Variants in EPHA6 observed in about 807,000 individuals in gnomAD.
EPHA6 encodes ephrin type-A receptor 6.
EPHA6 carries 50 observed loss-of-function variants against 112.0 expected under a neutral mutation model. The observed-to-expected ratio is 0.45, with a 90% confidence interval of 0.36 to 0.56. The LOEUF (loss-of-function observed/expected upper bound fraction) is 0.56, where lower values mean the gene tolerates loss of function less well. EPHA6 is among the 20% of genes least tolerant of loss of function. The pLI, the probability that EPHA6 is intolerant of heterozygous loss-of-function variation, is 0.00. For synonymous variants in EPHA6, 529 were observed against 490.7 expected, an observed-to-expected ratio of 1.08 and a Z score of -1.03; for missense variants, 1,280 against 1,417.4, an observed-to-expected ratio of 0.90 and a Z score of 1.56.
intron 11 of EPHA6, among the ~76,000 whole-genome samples, chr3:97,548,522 G>T (rs2092988523): frequency 6.6e-6 from 1 of 151,948 alleles, no homozygotes; most frequent in Non-Finnish European, 1.5e-5. Context: ...ATTTTCTTTT[G>T]TATTTGAATG....
intron 3 of EPHA6, among the ~76,000 whole-genome samples, chr3:97,136,058 T>C (rs997414353): frequency 3.9e-5 from 6 of 152,186 alleles, no homozygotes; most frequent in African/African-American, 1.4e-4. Flanking sequence ...CAAAGGAGGT[T>C]AAAGTGATCT....
chr3:96,971,792 T>C (rs1407426726), intron 2 of EPHA6, among the ~76,000 whole-genome samples: 1 of 152,148 alleles, frequency 6.6e-6, no homozygotes, highest in African/African-American at 2.4e-5. Flanking sequence ...AAATCACATA[T>C]GGGCCATTTT....
intron 6 of EPHA6, among the ~76,000 whole-genome samples, chr3:97,438,530 T>C (rs946908153): frequency 6.6e-6 from 1 of 152,186 alleles, no homozygotes; most frequent in Non-Finnish European, 1.5e-5. Flanking sequence ...AAAGCTAAGC[T>C]TATGGAGCAA....
intron 12 of EPHA6, among the ~76,000 whole-genome samples, chr3:97,607,723 AT>A (rs2093690047): frequency 6.6e-6 from 1 of 151,154 alleles, no homozygotes; most frequent in Non-Finnish European, 1.5e-5. Context: ...TACTAAGATG[AT>A]TCTGTGATAT....
At chr3:97,440,460 C>T (rs535461422) in intron 6 of EPHA6, among the ~76,000 whole-genome samples, 1 of 151,616 alleles carries the variant, frequency 6.6e-6, no homozygotes, top group African/African-American at 2.4e-5. Flanking sequence ...AGCATTCATA[C>T]ATATTGATCT....
intron 5 of EPHA6, among the ~76,000 whole-genome samples, chr3:97,373,548 G>T (rs180763041): frequency 1.3e-5 from 2 of 152,146 alleles, no homozygotes; most frequent in Admixed American, 1.3e-4. Context: ...ATTTACTTTT[G>T]AAGTCAGAAA....
chr3:96,970,260 CACACACAA>C (rs1184656996), intron 2 of EPHA6, among the ~76,000 whole-genome samples: 43 of 146,040 alleles, frequency 2.9e-4, no homozygotes, highest in African/African-American at 1.0e-3. Context: ...CACACACACA[CACACACAA>C]ACACACACAC....
At chr3:97,142,444 G>C (rs1039352140) in intron 3 of EPHA6, among the ~76,000 whole-genome samples, 1 of 151,748 alleles carries the variant, frequency 6.6e-6, no homozygotes, top group African/African-American at 2.4e-5. Flanking sequence ...AATTAACCAA[G>C]AAAATAAGAG....
chr3:97,518,833 G>GT (rs1403795835), intron 10 of EPHA6, among the ~76,000 whole-genome samples: 1 of 151,510 alleles, frequency 6.6e-6, no homozygotes, highest in Admixed American at 6.6e-5. Context: ...AAAATTATTT[G>GT]TTTTTTTGTT....
At chr3:97,004,399 G>A (rs2043797639) in intron 3 of EPHA6, among the ~76,000 whole-genome samples, 1 of 152,116 alleles carries the variant, frequency 6.6e-6, no homozygotes, top group African/African-American at 2.4e-5. Flanking sequence ...AATCAATGCT[G>A]TTGAGCTTTT....
chr3:97,171,833 G>T (rs778174232), intron 3 of EPHA6, among the ~76,000 whole-genome samples: 1 of 151,888 alleles, frequency 6.6e-6, no homozygotes, highest in Non-Finnish European at 1.5e-5. Context: ...AGCCAATCCG[G>T]AGTAGAATGA....
chr3:96,884,154 A>G (rs955401480), intron 2 of EPHA6, among the ~76,000 whole-genome samples: 11 of 152,242 alleles, frequency 7.2e-5, no homozygotes, highest in Non-Finnish European at 1.2e-4. Flanking sequence ...AGGTAGTGTG[A>G]TGCCTCTAGA....
intron 11 of EPHA6, among the ~76,000 whole-genome samples, chr3:97,550,446 T>C (rs2093014116): frequency 6.6e-6 from 1 of 152,228 alleles, no homozygotes; most frequent in African/African-American, 2.4e-5. Context: ...CATCCCCATA[T>C]TAAAGTGGTG....
intron 3 of EPHA6, among the ~76,000 whole-genome samples, chr3:97,050,492 GT>G (rs2045650256): frequency 6.6e-6 from 1 of 152,072 alleles, no homozygotes; most frequent in African/African-American, 2.4e-5. Context: ...AATTTCAGTT[GT>G]TTTTCAAAAA....
rs149369400 is a variant in EPHA6, at chr3:97,494,259, G to T, written c.2200+10200G>T. ...AAATAATATTTGTGTCATAAATAGGGTTTCTTCCCCAAAAGTTATTTCCGC... is the reference window on the plus strand; with the variant it reads ...AAATAATATTTGTGTCATAAATAGGTTTTCTTCCCCAAAAGTTATTTCCGC... On this transcript the variant is annotated intron_variant, in intron 10 of 17. Coordinates refer to ENST00000389672, the MANE Select transcript of EPHA6 (RefSeq NM_001080448.3). Among the ~76,000 whole-genome samples, 218 of 152,242 alleles carry T rather than the reference G, an allele frequency of 1.4e-3. 1 individual carries two copies. The highest frequency in any genetic ancestry group is 5.1e-3 in the African/African-American group (211 of 41,538).
intron 14 of EPHA6, among the ~76,000 whole-genome samples, chr3:97,659,819 A>G (rs1212597860): frequency 6.6e-6 from 1 of 152,018 alleles, no homozygotes; most frequent in Non-Finnish European, 1.5e-5. Flanking sequence ...CTGCACTACC[A>G]CAGATTATGC....
At chr3:97,542,506 T>C (rs2107679401) in intron 11 of EPHA6, among the ~76,000 whole-genome samples, 1 of 152,330 alleles carries the variant, frequency 6.6e-6, no homozygotes, top group African/African-American at 2.4e-5. Flanking sequence ...GTTGGACATT[T>C]AGGTTGGTTC....
At chr3:97,204,763 G>C (rs1180527795) in intron 3 of EPHA6, among the ~76,000 whole-genome samples, 5 of 152,098 alleles carry the variant, frequency 3.3e-5, no homozygotes, top group Admixed American at 2.0e-4. Flanking sequence ...ATTCAGCAGA[G>C]TTGACTGAAT....
rs1419040784 is a variant in EPHA6, at chr3:97,761,255, C to T, written c.*12554C>T. Reference sequence around the variant, plus strand: ...AAATTTTCATGTGCTGGCATGCTTACAAGTTAATAGTGTTATAGAATGCTC... The same window carrying T: ...AAATTTTCATGTGCTGGCATGCTTATAAGTTAATAGTGTTATAGAATGCTC... On this transcript the variant is annotated 3_prime_UTR_variant, in exon 18 of 18. Transcript: ENST00000389672. 1 of 195,820 alleles carries T rather than the reference C, an allele frequency of 5.1e-6. No individual in the cohort carries two copies. Among genetic ancestry groups the T allele is most frequent in the African/African-American group, 2.3e-5 (1 of 43,322 alleles). 12.1% of individuals were successfully genotyped at this position (195,820 alleles called of 1,614,324 possible).
Sources: allele counts gnomAD v4.1 joint callset (sites outside exome capture counted in the v4.1 genomes callset), GRCh38; gene constraint gnomAD v4.1.1; transcripts MANE v1.5; gene names NCBI Gene and HGNC (gene_info 2026-07-23, HGNC 2026-07-21).